Variants in TYMP observed in about 807,000 individuals in gnomAD.
TYMP encodes thymidine phosphorylase.
TYMP carries 46 observed loss-of-function variants against 42.3 expected under a neutral mutation model. The ratio of observed to expected loss-of-function variants is 1.09; its 90% CI spans 0.86 to 1.39. The LOEUF is 1.39. TYMP is among the 40% of genes most tolerant of loss of function. The pLI is 0.00. For missense variants in TYMP, 837 were observed against 677.6 expected (o/e 1.24, Z -2.61); for synonymous variants, 363 against 308.0 (o/e 1.18, Z -1.87).
rs1430765202 is a variant in TYMP at position 50,529,009 on chromosome 22, G to T, written c.417+127C>A. On this transcript the variant is annotated intron_variant, in intron 3 of 9. Transcript: ENST00000252029. ...GGGGAGAACTGTGCTGGGGAGCAGG[G>T]TGGGGAGAAGCCTTGGTAGGGTCTT... 4 of 995,404 alleles carry T rather than the reference G, an allele frequency of 4.0e-6. No homozygotes were observed. The East Asian group carries it at 1.0e-4, about 26-fold the overall frequency. 61.7% of individuals were successfully genotyped at this position (995,404 alleles called of 1,614,324 possible).
In TYMP at chr22:50,525,890, G is replaced by A. The variant is rs897999639; in HGVS notation, c.1329C>T (p.Asp443=). The A allele has an allele frequency of 1.9e-6, 3 of 1,572,116 alleles. No individual in the cohort carries two copies. Among genetic ancestry groups the A allele is most frequent in the Non-Finnish European group, 1.7e-6 (2 of 1,160,910 alleles). Residue 443 remains aspartate, a synonymous_variant, in exon 10 of 10, where the codon GAC becomes GAT. Coordinates refer to ENST00000252029, the MANE Select transcript of TYMP (RefSeq NM_001953.5). The part of the protein sequence containing the change: ...RGTPWLRVHR[D]GPALSGPQSR... ...TCTGCGGGCCGCTGAGCGCGGGGCC[G>A]TCCCGGTGCACGCGGAGCCAGGGGG...
rs1414577231 is a variant in TYMP at position 50,527,585 on chromosome 22, C to T, written c.646+3G>A. ...GCAGAAGCAGGCCATGGAGTCAGGT[C>T]ACCTGTGATGAGTGGCAGGCTGTCC... On this transcript the variant is annotated splice_donor_region_variant and intron_variant, in intron 5 of 9. Transcript: ENST00000252029. 6.2e-7 allele frequency: 1 copy of T among 1,613,958 alleles called. No individual in the cohort carries two copies. Among genetic ancestry groups the T allele is most frequent in the South Asian group, 1.1e-5 (1 of 91,066 alleles).
chr22:50,529,452 G>T, intron 2 of TYMP, 44 bp downstream of exon 2: 1 of 1,608,994 alleles, frequency 6.2e-7, no homozygotes. Flanking sequence ...CTCTCGGGCT[G>T]ACCTCCCAGT....
At position 50,525,813 on chromosome 22, in the gene TYMP, G is replaced by A; in HGVS notation, c.1406C>T (p.Ala469Val). ...AACGAGCTCTGCGAAGGGCGAGGGG[G>A]CGGCGAATGGCGCGCGGTCGGAGAG... ...LVLSDRAPFAAPSPFAELVLP... is the reference protein window; with the variant it reads ...LVLSDRAPFAVPSPFAELVLP... Residue 469 changes from alanine to valine, a missense_variant, in exon 10 of 10, where the codon GCC (alanine) becomes GTC (valine). Physicochemically the swap from Ala to Val is moderately conservative, Grantham distance 64 (BLOSUM62 0). Coordinates refer to ENST00000252029, the MANE Select transcript of TYMP (RefSeq NM_001953.5). 1 of 1,610,434 alleles carries A rather than the reference G, an allele frequency of 6.2e-7. No individual in the cohort carries two copies. The highest frequency in any genetic ancestry group is 1.1e-5 in the South Asian group (1 of 91,002).
Position 50,527,222 on chromosome 22 carries a change from G to T in TYMP, c.708C>A (p.Phe236Leu). 1 of 1,613,592 alleles carries T rather than the reference G, an allele frequency of 6.2e-7. No homozygotes were observed. The highest frequency in any genetic ancestry group is 8.5e-7 in the Non-Finnish European group (1 of 1,180,008). Reference protein sequence around the residue: ...GLSALVVDVKFGGAAVFPNQE... With the variant: ...GLSALVVDVKLGGAAVFPNQE... ...GGTTGGGGAAGACGGCGGCCCCTCC[G>T]AACTTAACGTCCACCACCAGAGCGG... The change falls in exon 6 of 10, where the codon TTC becomes TTA. Residue 236 changes from phenylalanine (F) to leucine (L), a missense_variant. By Grantham distance (22) the Phe-to-Leu change is conservative. Coordinates refer to ENST00000252029, the MANE Select transcript of TYMP (RefSeq NM_001953.5).
chr22:50,529,839 CTG>C lies in TYMP; in HGVS notation c.-11+63_-11+64del, dbSNP rs1051455076. ...CGGTGTCCGCCCCTCGGTCCCGTGT[CTG>C]TGTCGCCCTCGTCCGTGTCTGCCTC... is the stretch of plus-strand genomic sequence containing the variant. On this transcript the variant is annotated intron_variant, in intron 1 of 9. Transcript: ENST00000252029. 5 of 850,840 alleles carry C rather than the reference CTG, an allele frequency of 5.9e-6. No individual in the cohort carries two copies. In the East Asian group the frequency reaches 1.3e-4, roughly 23 times the overall value. The allele number at this position is 850,840 out of a possible 1,614,324, so 52.7% of individuals were successfully genotyped here.
At position 50,526,695 on chromosome 22, in the gene TYMP, A is replaced by C; in HGVS notation, c.809T>G (p.Leu270Arg). The part of the protein sequence containing the change: ...ASLGLRVAAA[L>R]TAMDKPLGRC... ...ACCCAGGGGCTTGTCCATGGCGGTC[A>C]GCGCTGCCGCGACCCGAAGCCCTAG... Residue 270 changes from leucine (L) to arginine (R), a missense_variant, in exon 7 of 10, where the codon CTG becomes CGG. Physicochemically the swap from Leu to Arg is moderately radical, Grantham distance 102 (BLOSUM62 -2). Transcript: ENST00000252029. 1.9e-6 allele frequency: 3 copies of C among 1,542,978 alleles called. No individual in the cohort carries two copies. Among genetic ancestry groups the C allele is most frequent in the Non-Finnish European group, 2.6e-6 (3 of 1,148,318 alleles).
chr22:50,529,664 C>T lies in TYMP; in HGVS notation c.46G>A (p.Gly16Ser), dbSNP rs769568725. The change falls in exon 2 of 10, where the codon GGT (glycine) becomes AGT (serine). Residue 16 changes from glycine (G) to serine (S), a missense_variant. Transcript: ENST00000252029. Reference sequence around the variant, plus strand: ...TGGCTCCCTTCCCCGGAGAAGTCACCAGGCGCGGGTGGGGCCCCGGTTCCC... The same window carrying T: ...TGGCTCCCTTCCCCGGAGAAGTCACTAGGCGCGGGTGGGGCCCCGGTTCCC... The part of the protein sequence containing the change: ...TPGTGAPPAP[G>S]DFSGEGSQGL... 2 of 1,612,320 alleles carry T rather than the reference C, an allele frequency of 1.2e-6. No homozygotes were observed. The highest frequency in any genetic ancestry group is 1.7e-5 in the Admixed American group (1 of 59,970).
chr22:50,529,582 T>G lies in TYMP; in HGVS notation c.128A>C (p.Lys43Thr), dbSNP rs752137335. The change falls in exon 2 of 10, where the codon AAG becomes ACG. Residue 43 changes from lysine to threonine, a missense_variant. By Grantham distance (78) the Lys-to-Thr change is moderately conservative. Transcript: ENST00000252029. ...TTCGCTCAGGCGGCCTCCGTCTCGCTTCATGCGGATCAGCTCCGGGAGCTG... is the reference window on the plus strand; with the variant it reads ...TTCGCTCAGGCGGCCTCCGTCTCGCGTCATGCGGATCAGCTCCGGGAGCTG... Reference protein sequence around the residue: ...PKQLPELIRMKRDGGRLSEAD... With the variant: ...PKQLPELIRMTRDGGRLSEAD... The G allele has an allele frequency of 5.6e-6, 9 of 1,613,050 alleles. No homozygotes were observed. In the African/African-American group the frequency reaches 9.3e-5, roughly 17 times the overall value.
chr22:50,528,698 T>C, intron 3 of TYMP, 88 bp from the exon 4 acceptor site: 1 of 1,076,198 alleles, frequency 9.3e-7, no homozygotes, highest in Non-Finnish European at 1.4e-6. Context: ...GGAGTGCAGC[T>C]GGATTTGGAA....
rs539627768 is a variant in TYMP at position 50,526,812 on chromosome 22, C to T, written c.766-74G>A. The T allele has an allele frequency of 4.2e-6, 6 of 1,444,704 alleles. No individual in the cohort carries two copies. In the South Asian group the frequency reaches 6.3e-5, roughly 15 times the overall value. The allele number at this position is 1,444,704 out of a possible 1,614,324, so 89.5% of individuals were successfully genotyped here. A position where few individuals can be genotyped will look rare whatever the true frequency, so the allele number is the denominator to read the frequency against. On this transcript the variant is annotated intron_variant, in intron 6 of 9. Coordinates refer to ENST00000252029, the MANE Select transcript of TYMP (RefSeq NM_001953.5). The stretch of plus-strand genomic sequence containing the variant: ...AGCCGGTTCTTGGTCGAACTCCAGC[C>T]CCTGCTGCACCCTGGGTTGCCAGCC...
At chr22:50,528,169 A>G (rs994993537) in intron 4 of TYMP, 5 of 400,068 alleles carry the variant, frequency 1.2e-5, no homozygotes, top group African/African-American at 4.1e-5. Flanking sequence ...GCACCACCAC[A>G]CGCAGCGAAC....
At chr22:50,529,096 G>C in intron 3 of TYMP, 40 bp downstream of exon 3, 1 of 1,603,260 alleles carries the variant, frequency 6.2e-7, no homozygotes, top group Non-Finnish European at 8.5e-7. Context: ...TGCTGCATGT[G>C]CGGTATAGGC....
rs1299574604 is a variant in TYMP at position 50,528,964 on chromosome 22, GCTGTGCTGGGGAACGGGGTGGGGAGAA to G, written c.417+145_417+171del. The G allele has an allele frequency of 4.0e-5, 30 of 750,588 alleles. No individual in the cohort carries two copies. The Admixed American group carries it at 5.0e-4, about 13-fold the overall frequency. 46.5% of individuals were successfully genotyped at this position (750,588 alleles called of 1,614,324 possible). On this transcript the variant is annotated intron_variant, in intron 3 of 9. Coordinates refer to ENST00000252029, the MANE Select transcript of TYMP (RefSeq NM_001953.5). ...GTCTGGAGCCAGAGGGGCCCCAAGCGCTGTGCTGGGGAACGGGGTGGGGAGAACTGTGCTGGGGAGCAGGGTGGGGAG... is the reference window on the plus strand; with the variant it reads ...GTCTGGAGCCAGAGGGGCCCCAAGCGCTGTGCTGGGGAGCAGGGTGGGGAG...
rs2069378823 is a variant in TYMP, at chr22:50,526,399, C to T, written c.1006G>A (p.Asp336Asn). Residue 336 changes from aspartate (D) to asparagine (N), a missense_variant, in exon 8 of 10, where the codon GAC becomes AAC. By Grantham distance (23) the Asp-to-Asn change is conservative. Transcript: ENST00000252029. Reference sequence around the variant, plus strand: ...TCGAAGCGGCCAAGGGCCGAGCCGTCGTCCAGCGCCGCGGCCACCCGGGCA... The same window carrying T: ...TCGAAGCGGCCAAGGGCCGAGCCGTTGTCCAGCGCCGCGGCCACCCGGGCA... ...GAARVAAALDDGSALGRFERM... is the reference protein window; with the variant it reads ...GAARVAAALDNGSALGRFERM... The T allele has an allele frequency of 2.6e-6, 4 of 1,518,366 alleles. No individual in the cohort carries two copies. The highest frequency in any genetic ancestry group is 2.7e-5 in the East Asian group (1 of 37,672). The allele number at this position is 1,518,366 out of a possible 1,614,324, so 94.1% of individuals were successfully genotyped here.
chr22:50,526,627 A>T lies in TYMP; in HGVS notation c.877T>A (p.Cys293Ser). 1 of 1,576,716 alleles carries T rather than the reference A, an allele frequency of 6.3e-7. No individual in the cohort carries two copies. The highest frequency in any genetic ancestry group is 2.3e-5 in the East Asian group (1 of 42,816). ...HALEVEEALL[C>S]MDGAGPPDLR... is the part of the protein sequence containing the mutation. Reference sequence around the variant, plus strand: ...TCTGGCGGGCCTGCGCCGTCCATGCAGAGCAGCGCCTCCTCCACCTCCAGG... The same window carrying T: ...TCTGGCGGGCCTGCGCCGTCCATGCTGAGCAGCGCCTCCTCCACCTCCAGG... The change falls in exon 7 of 10, where the codon TGC (cysteine) becomes AGC (serine). Residue 293 changes from cysteine (C) to serine (S), a missense_variant. Cys to Ser is a moderately radical substitution (Grantham distance 112, BLOSUM62 -1). Transcript: ENST00000252029.
In TYMP at chr22:50,529,573, C is replaced by G. The variant is rs1177487732; in HGVS notation, c.137G>C (p.Gly46Ala). The change falls in exon 2 of 10, where the codon GGA becomes GCA. Residue 46 changes from glycine (G) to alanine (A), a missense_variant. By Grantham distance (60) the Gly-to-Ala change is moderately conservative. Transcript: ENST00000252029. ...GATGTCCGCTTCGCTCAGGCGGCCT[C>G]CGTCTCGCTTCATGCGGATCAGCTC... ...LPELIRMKRD[G>A]GRLSEADIRG... is the part of the protein sequence containing the mutation. 6.2e-7 allele frequency: 1 copy of G among 1,613,044 alleles called. No individual in the cohort carries two copies. The highest frequency in any genetic ancestry group is 8.5e-7 in the Non-Finnish European group (1 of 1,179,950).
Position 50,525,985 on chromosome 22 carries a change from C to A in TYMP, c.1300+16G>T. Reference sequence around the variant, plus strand: ...GGGCGGGGGTGCGGGGCCAGCAGGGCGGGGGCGGCGCTCACCACGGCGCAG... The same window carrying A: ...GGGCGGGGGTGCGGGGCCAGCAGGGAGGGGGCGGCGCTCACCACGGCGCAG... On this transcript the variant is annotated intron_variant, in intron 9 of 9. Transcript: ENST00000252029. 3 of 1,396,700 alleles carry A rather than the reference C, an allele frequency of 2.1e-6. No homozygotes were observed. The highest frequency in any genetic ancestry group is 2.8e-6 in the Non-Finnish European group (3 of 1,081,206). The allele number at this position is 1,396,700 out of a possible 1,614,324, so 86.5% of individuals were successfully genotyped here.
chr22:50,527,104 G>A (rs748605112), intron 6 of TYMP, 61 bp downstream of exon 6: 7 of 1,338,286 alleles, frequency 5.2e-6, no homozygotes, highest in Non-Finnish European at 7.5e-6. Context: ...GGACGGGAGG[G>A]GTGAAGGGTA....
Sources: gnomAD v4.1 joint callset for allele counts on GRCh38, gnomAD v4.1.1 for gene constraint, MANE v1.5 for transcripts, NCBI Gene and HGNC (gene_info 2026-07-23, HGNC 2026-07-21) for gene names.